The following NDUFB1 variants were observed in gnomAD, a reference collection of about 807,000 sequenced individuals.
The protein encoded by NDUFB1 is NADH dehydrogenase [ubiquinone] 1 beta subcomplex subunit 1.
In NDUFB1, 6 loss-of-function variants were observed where a neutral mutation model predicts 6.7. The observed-to-expected ratio is 0.89, with a 90% CI of 0.49 to 1.76. NDUFB1 has a LOEUF of 1.76. Ranked by LOEUF, NDUFB1 falls within the 40% of genes most tolerant of loss-of-function variation. NDUFB1 has a pLI of 0.01. For synonymous variants in NDUFB1, 17 were observed against 22.9 expected, an observed-to-expected ratio of 0.74 and a Z score of 0.74; for missense variants, 56 against 71.0, an observed-to-expected ratio of 0.79 and a Z score of 0.76.
intron 2 of NDUFB1, among the ~76,000 whole-genome samples, chr14:92,116,764 G>T (rs1293560246): frequency 6.6e-6 from 1 of 152,124 alleles, no homozygotes; most frequent in African/African-American, 2.4e-5. Flanking sequence ...TTAAAGAATT[G>T]TAATTACTTA....
chr14:92,119,609 G>A (rs916810190), intron 1 of NDUFB1, among the ~76,000 whole-genome samples: 3 of 152,154 alleles, frequency 2.0e-5, no homozygotes, highest in Non-Finnish European at 2.9e-5. Flanking sequence ...TTCCTTATCC[G>A]AAATGCTTGG....
chr14:92,120,735 A>G (rs938436594), intron 1 of NDUFB1, among the ~76,000 whole-genome samples: 3 of 149,506 alleles, frequency 2.0e-5, no homozygotes, highest in Non-Finnish European at 4.4e-5. Flanking sequence ...TTGTATTTTT[A>G]AGTAGAGATG....
chr14:92,117,753 T>G (rs2068727108), intron 1 of NDUFB1, 111 bp from the exon 2 acceptor site: 1 of 1,079,896 alleles, frequency 9.3e-7, no homozygotes, highest in South Asian at 1.5e-5. Context: ...ATCCTAGCAC[T>G]TTGGGATGCT....
chr14:92,121,618 G>A (rs779016620), intron 1 of NDUFB1, 24 bp downstream of exon 1: 1 of 1,611,666 alleles, frequency 6.2e-7, no homozygotes, highest in East Asian at 2.2e-5. Flanking sequence ...CGTCGCGGCG[G>A]CCCCCCGGGC....
At chr14:92,117,271 C>G (rs1411996450) in intron 2 of NDUFB1, among the ~76,000 whole-genome samples, 2 of 152,190 alleles carry the variant, frequency 1.3e-5, no homozygotes, top group Non-Finnish European at 2.9e-5. Context: ...AAAGACGATA[C>G]TTTCAAAGAC....
At chr14:92,120,217 A>C (rs1950811) in intron 1 of NDUFB1, 62,826 of 152,072 alleles carry the variant, frequency 0.41, 13,940 homozygotes, top group East Asian at 0.84. Context: ...GACATATGAC[A>C]ACATCCTAGA....
chr14:92,118,988 G>GAA (rs10649809), intron 1 of NDUFB1: 114,298 of 343,204 alleles, frequency 0.33, 19,296 homozygotes, highest in East Asian at 0.75. Context: ...AAAAAAGAAA[G>GAA]AAAAAAAAAG....
At chr14:92,119,299 G>A (rs1339288505) in intron 1 of NDUFB1, among the ~76,000 whole-genome samples, 2 of 134,528 alleles carry the variant, frequency 1.5e-5, no homozygotes, top group Non-Finnish European at 1.5e-5. Context: ...ACGACAGAGC[G>A]TGATGCTGTC....
intron 2 of NDUFB1, 102 bp from the exon 3 acceptor site, chr14:92,116,331 CTTTT>C (rs35571568): frequency 2.0e-3 from 978 of 496,258 alleles, no homozygotes; most frequent in Middle Eastern, 5.1e-3. Flanking sequence ...ATTTCATTTT[CTTTT>C]TTTTTTTTTT....
intron 1 of NDUFB1, chr14:92,118,498 C>T (rs1203533709): frequency 1.3e-5 from 2 of 152,082 alleles, no homozygotes; most frequent in African/African-American, 4.8e-5. Context: ...TTGTGTAAAA[C>T]ATATTTAGAA....
Position 92,116,136 on chromosome 14 carries a change from A to G in NDUFB1, c.*57T>C, listed in dbSNP as rs1020291434. ...AAAAGAAAGACATTTCAGATTCTTCATGTTTTTATTTCTCTCAGAACTTTA... is the reference window on the plus strand; with the variant it reads ...AAAAGAAAGACATTTCAGATTCTTCGTGTTTTTATTTCTCTCAGAACTTTA... On this transcript the variant is annotated 3_prime_UTR_variant, in exon 3 of 3. Coordinates refer to ENST00000605997, the MANE Select transcript of NDUFB1 (RefSeq NM_004545.4). 6.8e-7 allele frequency: 1 copy of G among 1,464,108 alleles called. No homozygotes were observed. The highest frequency in any genetic ancestry group is 9.6e-7 in the Non-Finnish European group (1 of 1,045,198). 90.7% of individuals were successfully genotyped at this position (1,464,108 alleles called of 1,614,324 possible). A position where few individuals can be genotyped will look rare whatever the true frequency, so the allele number is the denominator to read the frequency against.
In NDUFB1 at chr14:92,117,563, A is replaced by G; in HGVS notation, c.75T>C (p.Cys25=). 2 of 1,613,950 alleles carry G rather than the reference A, an allele frequency of 1.2e-6. No homozygotes were observed. Among genetic ancestry groups the G allele is most frequent in the Non-Finnish European group, 8.5e-7 (1 of 1,179,948 alleles). ...GTTCATCACTCTTTCTGTCTAAATA[A>G]CATCCAATGACAAATCCCATAGGGA... ...VLVPMGFVIG[C]YLDRKSDERL... The change falls in exon 2 of 3, where the codon TGT becomes TGC. Residue 25 remains cysteine (C), a synonymous_variant. Coordinates refer to ENST00000605997, the MANE Select transcript of NDUFB1 (RefSeq NM_004545.4).
intron 1 of NDUFB1, chr14:92,118,612 G>C (rs1174173923): frequency 3.9e-5 from 6 of 152,132 alleles, no homozygotes. Context: ...GAAATTAAAA[G>C]ATATGAGAGA....
intron 1 of NDUFB1, among the ~76,000 whole-genome samples, chr14:92,120,879 G>T (rs1275331393): frequency 6.6e-6 from 1 of 151,086 alleles, no homozygotes; most frequent in African/African-American, 2.4e-5. Context: ...AAGGCAAGGT[G>T]GGCCAGGTGC....
intron 1 of NDUFB1, among the ~76,000 whole-genome samples, chr14:92,119,802 C>T (rs949034826): frequency 3.3e-5 from 5 of 151,474 alleles, no homozygotes; most frequent in Admixed American, 2.6e-4. Context: ...CGCTCTGTCA[C>T]CTAGGATGGA....
At chr14:92,120,709 C>T (rs1380827304) in intron 1 of NDUFB1, among the ~76,000 whole-genome samples, 3 of 150,236 alleles carry the variant, frequency 2.0e-5, no homozygotes, top group African/African-American at 7.3e-5. Context: ...CAGGTGCCAC[C>T]ACGCCCGGCT....
intron 1 of NDUFB1, 182 bp downstream of exon 1, chr14:92,121,460 A>C (rs7143338): frequency 0.38 from 339,191 of 892,098 alleles, 71,764 homozygotes; most frequent in East Asian, 0.85. Context: ...TCCGGCCCGG[A>C]AATCCCATCC....
At chr14:92,116,446 G>A (rs2068718503) in intron 2 of NDUFB1, among the ~76,000 whole-genome samples, 1 of 144,852 alleles carries the variant, frequency 6.9e-6, no homozygotes, top group Non-Finnish European at 1.5e-5. Flanking sequence ...CGATTATCCT[G>A]CCTCACCCTC....
rs2068723748 is a variant in NDUFB1 at position 92,117,400 on chromosome 14, A to G, written c.140+98T>C. 2.4e-6 allele frequency: 3 copies of G among 1,258,798 alleles called. No homozygotes were observed. In the African/African-American group the frequency reaches 4.4e-5, roughly 18 times the overall value. 78.0% of individuals were successfully genotyped at this position (1,258,798 alleles called of 1,614,324 possible). A position where few individuals can be genotyped will look rare whatever the true frequency, so the allele number is the denominator to read the frequency against. On this transcript the variant is annotated intron_variant, in intron 2 of 2. Transcript: ENST00000605997. ...AGTATCATTTGAATCTAAGTCCTCA[A>G]GGGGGAAAAATTACCCCTTCTGTTT...
Sources: gnomAD v4.1 joint callset for allele counts (sites outside exome capture counted in the v4.1 genomes callset) on GRCh38, gnomAD v4.1.1 for gene constraint, MANE v1.5 for transcripts, NCBI Gene and HGNC (gene_info 2026-07-23, HGNC 2026-07-21) for gene names.